SEL1L: variants seen among roughly 807,000 people sequenced by gnomAD.
SEL1L encodes the protein SEL1L adaptor subunit of SYVN1 ubiquitin ligase.
Under a neutral mutation model 109.8 loss-of-function variants are expected in SEL1L, and 52 were observed. The ratio of observed to expected loss-of-function variants is 0.47; its 90% CI spans 0.38 to 0.60. The LOEUF (loss-of-function observed/expected upper bound fraction) is 0.60, where lower values mean the gene tolerates loss of function less well. Among genes scored for constraint, SEL1L ranks in the 20% least tolerant of loss-of-function variants. The probability of loss-of-function intolerance (pLI) is 0.00; values close to 1 mark genes in which losing one functional copy is unlikely to be tolerated. For synonymous variants in SEL1L, 373 were observed against 339.6 expected (o/e 1.10, Z -1.08); for missense variants, 749 against 962.2 (o/e 0.78, Z 2.93).
At chr14:81,518,488 C>G (rs534555645) in intron 3 of SEL1L, among the ~76,000 whole-genome samples, 1 of 151,178 alleles carries the variant, frequency 6.6e-6, no homozygotes, top group East Asian at 2.0e-4. Flanking sequence ...GGTGAAACCC[C>G]ATCTCTACTA....
chr14:81,483,112 C>G (rs1434063989), intron 19 of SEL1L, among the ~76,000 whole-genome samples: 3 of 152,176 alleles, frequency 2.0e-5, no homozygotes, highest in Non-Finnish European at 4.4e-5. Context: ...GCATCTAACT[C>G]TTAAGGTAGT....
intron 3 of SEL1L, among the ~76,000 whole-genome samples, chr14:81,518,081 TG>T: frequency 6.6e-6 from 1 of 152,020 alleles, no homozygotes; most frequent in Middle Eastern, 3.4e-3. Flanking sequence ...TTACCAGAGA[TG>T]GGGTTTTGCA....
At chr14:81,503,278 C>T (rs979531783) in intron 5 of SEL1L, among the ~76,000 whole-genome samples, 1 of 152,182 alleles carries the variant, frequency 6.6e-6, no homozygotes, top group African/African-American at 2.4e-5. Flanking sequence ...CGCCTAGCCA[C>T]CCCCTCTGAT....
At chr14:81,485,529 T>C in intron 18 of SEL1L, 143 bp downstream of exon 18, 1 of 662,582 alleles carries the variant, frequency 1.5e-6, no homozygotes, top group East Asian at 2.7e-5. Flanking sequence ...TGACCTCAAG[T>C]GATCCTCCTG....
chr14:81,515,888 G>C (rs1421363545), intron 3 of SEL1L, among the ~76,000 whole-genome samples: 1 of 152,108 alleles, frequency 6.6e-6, no homozygotes, highest in East Asian at 1.9e-4. Flanking sequence ...GGCCAAAAAG[G>C]AAAAGTGAGA....
chr14:81,526,746 T>A lies in SEL1L; in HGVS notation c.327A>T (p.Lys109Asn). 1 of 1,612,634 alleles carries A rather than the reference T, an allele frequency of 6.2e-7. No individual in the cohort carries two copies. Among genetic ancestry groups the A allele is most frequent in the East Asian group, 2.2e-5 (1 of 44,850 alleles). Residue 109 changes from lysine (K) to asparagine (N), a missense_variant, in exon 3 of 21, where the codon AAA becomes AAT. Physicochemically the swap from Lys to Asn is moderately conservative, Grantham distance 94 (BLOSUM62 0). Around this residue, in one of 2 missense-constraint regions of SEL1L, gnomAD observed 366 missense variants for 399.8 expected, o/e 0.92. Coordinates refer to ENST00000336735, the MANE Select transcript of SEL1L (RefSeq NM_005065.6). The part of the protein sequence containing the change: ...PENKDYEEPK[K>N]VRKPALTAIE... ...TGTCCAGACTACCTGGTTTCCGTAC[T>A]TTCTTTGGCTCTTCATAGTCCTTGT...
chr14:81,495,282 T>C (rs568815885), intron 10 of SEL1L, 145 bp from the exon 11 acceptor site: 2 of 703,524 alleles, frequency 2.8e-6, no homozygotes, highest in Admixed American at 2.8e-5. Context: ...CTCCTGAAAA[T>C]GCTATTCTAC....
intron 3 of SEL1L, among the ~76,000 whole-genome samples, chr14:81,520,960 T>C (rs1884884575): frequency 6.6e-6 from 1 of 152,062 alleles, no homozygotes; most frequent in Non-Finnish European, 1.5e-5. Flanking sequence ...ACAGTCTAAT[T>C]GAGGAAAGAA....
intron 3 of SEL1L, among the ~76,000 whole-genome samples, chr14:81,513,162 T>C (rs1418455314): frequency 6.6e-6 from 1 of 152,190 alleles, no homozygotes; most frequent in Non-Finnish European, 1.5e-5. Context: ...AACGCACCAA[T>C]CAGCTCTCTG....
intron 1 of SEL1L, among the ~76,000 whole-genome samples, chr14:81,531,769 C>G (rs1156591043): frequency 2.6e-5 from 4 of 152,128 alleles, no homozygotes; most frequent in African/African-American, 9.7e-5. Context: ...TCTTGAACTC[C>G]TGGGCTCAAG....
chr14:81,514,691 A>C (rs1035615131), intron 3 of SEL1L, among the ~76,000 whole-genome samples: 11 of 152,070 alleles, frequency 7.2e-5, no homozygotes, highest in African/African-American at 2.7e-4. Context: ...GGGCAGGGAG[A>C]GAAACAAACC....
chr14:81,473,144 T>C lies in SEL1L; in HGVS notation c.*3828A>G, dbSNP rs763145550. ...TAAAACTTCCTCTTCTACATATTTA[T>C]AGTGGTTACATCTTGATTATATCAA... On this transcript the variant is annotated 3_prime_UTR_variant, in exon 21 of 21. Coordinates refer to ENST00000336735, the MANE Select transcript of SEL1L (RefSeq NM_005065.6). 1 of 152,298 alleles carries C rather than the reference T, an allele frequency of 6.6e-6. No individual in the cohort carries two copies. The highest frequency in any genetic ancestry group is 1.5e-5 in the Non-Finnish European group (1 of 68,092). The allele number at this position is 152,298 out of a possible 1,614,324, so 9.4% of individuals were successfully genotyped here. A position where few individuals can be genotyped will look rare whatever the true frequency, so the allele number is the denominator to read the frequency against.
In SEL1L at chr14:81,492,465, C is replaced by G. The variant is rs751283543; in HGVS notation, c.1254+15G>C. The G allele has an allele frequency of 6.3e-7, 1 of 1,591,258 alleles. No homozygotes were observed. The highest frequency in any genetic ancestry group is 8.6e-7 in the Non-Finnish European group (1 of 1,161,126). ...CTCTTGCTATTACATAAAACATTCA[C>G]AGGATGTACAGTACCTTTCCCAAAA... On this transcript the variant is annotated intron_variant, in intron 12 of 20. Transcript: ENST00000336735.
chr14:81,498,261 A>C, intron 9 of SEL1L, 152 bp downstream of exon 9: 4 of 831,420 alleles, frequency 4.8e-6, no homozygotes, highest in Admixed American at 3.1e-5. Flanking sequence ...TATATAAAGA[A>C]AAAAGTACTT....
intron 3 of SEL1L, among the ~76,000 whole-genome samples, chr14:81,509,652 A>T (rs1884383215): frequency 6.6e-6 from 1 of 152,236 alleles, no homozygotes; most frequent in Non-Finnish European, 1.5e-5. Flanking sequence ...AAAAAGCAAA[A>T]TAAAACGGAA....
At chr14:81,526,430 T>A (rs1033260079) in intron 3 of SEL1L, among the ~76,000 whole-genome samples, 3 of 152,188 alleles carry the variant, frequency 2.0e-5, no homozygotes, top group African/African-American at 7.2e-5. Flanking sequence ...ACATATTATT[T>A]TTTTAAATTT....
intron 1 of SEL1L, among the ~76,000 whole-genome samples, chr14:81,528,788 T>A (rs1479737445): frequency 6.6e-6 from 1 of 152,188 alleles, no homozygotes; most frequent in Non-Finnish European, 1.5e-5. Context: ...ATAGTTGTCA[T>A]TTATACTTTA....
chr14:81,526,514 T>G (rs1236884035), intron 3 of SEL1L, among the ~76,000 whole-genome samples: 1 of 152,190 alleles, frequency 6.6e-6, no homozygotes, highest in East Asian at 1.9e-4. Flanking sequence ...ATAAATGCAA[T>G]CTCATCTATT....
chr14:81,501,289 G>A (rs982831622), intron 6 of SEL1L, among the ~76,000 whole-genome samples: 3 of 152,156 alleles, frequency 2.0e-5, no homozygotes, highest in African/African-American at 4.8e-5. Flanking sequence ...TTTGTCTGTT[G>A]CATCAACTAG....
Sources: allele counts gnomAD v4.1 joint callset (sites outside exome capture counted in the v4.1 genomes callset), GRCh38; gene constraint gnomAD v4.1.1; regional missense constraint gnomAD v4.1.1; transcripts MANE v1.5; gene names NCBI Gene and HGNC (gene_info 2026-07-23, HGNC 2026-07-21).